TPP2: variants seen among roughly 807,000 people sequenced by gnomAD.
TPP2 encodes tripeptidyl-peptidase 2.
TPP2 carries 34 observed loss-of-function variants against 155.9 expected under a neutral mutation model. That is an observed-to-expected ratio of 0.22 (90% CI 0.17 to 0.29). The LOEUF is 0.29. TPP2 is among the 10% of genes least tolerant of loss of function. TPP2 has a pLI of 1.00. For missense variants in TPP2, 1,028 were observed against 1,522.3 expected (o/e 0.68, Z 5.40); for synonymous variants, 510 against 529.4 (o/e 0.96, Z 0.50).
chr13:102,655,816 C>T (rs1411597440), intron 24 of TPP2, among the ~76,000 whole-genome samples: 4 of 152,040 alleles, frequency 2.6e-5, no homozygotes, highest in Admixed American at 6.6e-5. Context: ...CACTGCCTCT[C>T]AGCTAAATGG....
chr13:102,639,171 T>C (rs987301107), intron 15 of TPP2, among the ~76,000 whole-genome samples: 7 of 152,232 alleles, frequency 4.6e-5, no homozygotes, highest in Non-Finnish European at 8.8e-5. Context: ...TTACACTCTT[T>C]CACTGTGAGC....
intron 27 of TPP2, 40 bp downstream of exon 27, chr13:102,664,965 C>A: frequency 1.2e-6 from 2 of 1,602,592 alleles, no homozygotes; most frequent in Non-Finnish European, 1.7e-6. Flanking sequence ...ATCTCATTTC[C>A]TAGTTAACTT....
intron 27 of TPP2, among the ~76,000 whole-genome samples, chr13:102,671,081 A>G (rs1884950119): frequency 6.6e-6 from 1 of 152,214 alleles, no homozygotes; most frequent in Non-Finnish European, 1.5e-5. Flanking sequence ...CTTTCCAATG[A>G]AATTGGCGAG....
intron 27 of TPP2, among the ~76,000 whole-genome samples, chr13:102,671,636 G>C (rs374726761): frequency 6.6e-6 from 1 of 152,066 alleles, no homozygotes; most frequent in African/African-American, 2.4e-5. Flanking sequence ...TCAATTTTGC[G>C]TTACCAGGCA....
Position 102,678,812 on chromosome 13 carries a change from T to C in TPP2, c.*496T>C, listed in dbSNP as rs1885455936. ...TCCAGAATTTTTTTTTTTTTTTTTT[T>C]TTTTTGGCAAATGTTTACATTCAAT... On this transcript the variant is annotated 3_prime_UTR_variant, in exon 30 of 30. Coordinates refer to ENST00000376052, the MANE Select transcript of TPP2 (RefSeq NM_001330588.2). 8.3e-6 allele frequency: 1 copy of C among 121,176 alleles called. No individual in the cohort carries two copies. The highest frequency in any genetic ancestry group is 3.3e-5 in the African/African-American group (1 of 30,114). 7.5% of individuals were successfully genotyped at this position (121,176 alleles called of 1,614,324 possible).
At chr13:102,620,885 A>G (rs961847125) in intron 5 of TPP2, among the ~76,000 whole-genome samples, 2 of 152,216 alleles carry the variant, frequency 1.3e-5, no homozygotes, top group Admixed American at 6.5e-5. Context: ...GTTTCCTTTT[A>G]GATTCTTGAT....
At chr13:102,603,749 A>T (rs1216488884) in intron 1 of TPP2, among the ~76,000 whole-genome samples, 3 of 152,224 alleles carry the variant, frequency 2.0e-5, no homozygotes, top group African/African-American at 7.2e-5. Flanking sequence ...CAAATTCGAA[A>T]GTCTCCAATG....
intron 3 of TPP2, among the ~76,000 whole-genome samples, chr13:102,614,419 G>A (rs1880562748): frequency 6.6e-6 from 1 of 152,146 alleles, no homozygotes; most frequent in Non-Finnish European, 1.5e-5. Context: ...ATAAGTTTAG[G>A]GAATCTGTGA....
Position 102,635,641 on chromosome 13 carries a change from A to G in TPP2, c.1448A>G (p.Glu483Gly). Reference protein sequence around the residue: ...YTVHSVRRALENTAVKADNIE... With the variant: ...YTVHSVRRALGNTAVKADNIE... ...GTTCATTCAGTCAGAAGAGCTCTAG[A>G]AAACACTGCAGTGAAGGCTGACAAT... The change falls in exon 12 of 30, where the codon GAA (glutamate) becomes GGA (glycine). Residue 483 changes from glutamate (E) to glycine (G), a missense_variant. Coordinates refer to ENST00000376052, the MANE Select transcript of TPP2 (RefSeq NM_001330588.2). The G allele has an allele frequency of 6.2e-7, 1 of 1,613,436 alleles. No individual in the cohort carries two copies. The highest frequency in any genetic ancestry group is 1.3e-5 in the African/African-American group (1 of 75,038).
At chr13:102,671,510 C>A (rs1403865715) in intron 27 of TPP2, among the ~76,000 whole-genome samples, 2 of 152,210 alleles carry the variant, frequency 1.3e-5, no homozygotes, top group Non-Finnish European at 2.9e-5. Flanking sequence ...AGAAAGAGAT[C>A]TGCAGAGTGA....
chr13:102,651,737 A>T (rs537040558), intron 24 of TPP2, among the ~76,000 whole-genome samples: 2,417 of 140,294 alleles, frequency 0.017, 41 homozygotes, highest in Middle Eastern at 0.056. Flanking sequence ...GGATGTGATA[A>T]TTTTTTTTTT....
intron 7 of TPP2, among the ~76,000 whole-genome samples, chr13:102,627,480 A>T (rs1176181299): frequency 2.0e-5 from 3 of 152,138 alleles, no homozygotes; most frequent in Non-Finnish European, 4.4e-5. Context: ...CCTAAGAGGA[A>T]TTTAAAACCT....
chr13:102,657,253 T>C, intron 25 of TPP2, 46 bp downstream of exon 25: 2 of 1,482,996 alleles, frequency 1.3e-6, no homozygotes, highest in Non-Finnish European at 1.8e-6. Context: ...TTAGTTCTAT[T>C]TTCCCAACTA....
intron 1 of TPP2, among the ~76,000 whole-genome samples, chr13:102,602,857 C>T (rs1228047573): frequency 2.6e-5 from 4 of 151,976 alleles, no homozygotes; most frequent in East Asian, 1.9e-4. Flanking sequence ...ACAGTTTCTA[C>T]GGTTTTTATG....
intron 2 of TPP2, among the ~76,000 whole-genome samples, chr13:102,610,757 A>G (rs911585988): frequency 2.0e-5 from 3 of 152,254 alleles, no homozygotes; most frequent in African/African-American, 4.8e-5. Context: ...TAAAAGTACA[A>G]AAGTGAATAG....
In TPP2 at chr13:102,644,699, T is replaced by C. The variant is rs368454348; in HGVS notation, c.2292+26T>C. 23 of 1,569,730 alleles carry C rather than the reference T, an allele frequency of 1.5e-5. 1 individual carries two copies. The South Asian group carries it at 1.9e-4, about 13-fold the overall frequency. On this transcript the variant is annotated intron_variant, in intron 18 of 29. Transcript: ENST00000376052. ...GTAAGTTCCACAACATTTTCATGAT[T>C]TTTAATGTCAGTTACTTGTGTTACT...
intron 24 of TPP2, among the ~76,000 whole-genome samples, chr13:102,656,402 C>T (rs1305693966): frequency 6.6e-6 from 1 of 152,158 alleles, no homozygotes; most frequent in Admixed American, 6.5e-5. Context: ...TTTACACTTG[C>T]TCATCTGCTC....
chr13:102,627,074 A>G lies in TPP2; in HGVS notation c.847A>G (p.Asn283Asp). The G allele has an allele frequency of 6.3e-7, 1 of 1,599,486 alleles. No homozygotes were observed. The highest frequency in any genetic ancestry group is 8.5e-7 in the Non-Finnish European group (1 of 1,172,902). ...ACACTTTCCAGAAGAACCTGAACGG[A>G]ATGGGGTAGCTCCTGGTGCTCAAAT... is the stretch of plus-strand genomic sequence containing the variant. ...AGHFPEEPER[N>D]GVAPGAQILS... is the part of the protein sequence containing the mutation. Residue 283 changes from asparagine (N) to aspartate (D), a missense_variant, in exon 7 of 30, where the codon AAT becomes GAT. By Grantham distance (23) the Asn-to-Asp change is conservative (BLOSUM62 1). Around this residue, in one of 7 missense-constraint regions of TPP2, gnomAD observed 300 missense variants for 398.3 expected, o/e 0.75. Coordinates refer to ENST00000376052, the MANE Select transcript of TPP2 (RefSeq NM_001330588.2).
intron 2 of TPP2, among the ~76,000 whole-genome samples, chr13:102,611,566 T>C (rs538505795): frequency 6.6e-6 from 1 of 152,008 alleles, no homozygotes; most frequent in Non-Finnish European, 1.5e-5. Context: ...TCCCAGCTAC[T>C]AGGGAGGCTG....
Sources: gnomAD v4.1 joint callset for allele counts (sites outside exome capture counted in the v4.1 genomes callset) on GRCh38, gnomAD v4.1.1 for gene constraint, gnomAD v4.1.1 regional missense constraint, MANE v1.5 for transcripts, NCBI Gene and HGNC (gene_info 2026-07-23, HGNC 2026-07-21) for gene names.